The following SLC25A21 variants were observed in gnomAD, a reference collection of about 807,000 sequenced individuals.
The protein encoded by SLC25A21 is mitochondrial 2-oxodicarboxylate carrier.
In SLC25A21, 47 loss-of-function variants were observed where a neutral mutation model predicts 43.8. That is an observed-to-expected ratio of 1.07 (90% CI 0.85 to 1.37). The LOEUF (loss-of-function observed/expected upper bound fraction) is 1.37. SLC25A21 is among the 40% of genes most tolerant of loss of function. The probability of loss-of-function intolerance (pLI) is 0.00; values close to 1 mark genes in which losing one functional copy is unlikely to be tolerated. For synonymous variants in SLC25A21, 131 were observed against 121.3 expected, an observed-to-expected ratio of 1.08 and a Z score of -0.52; for missense variants, 352 against 350.2, an observed-to-expected ratio of 1.00 and a Z score of -0.04.
intron 2 of SLC25A21, among the ~76,000 whole-genome samples, chr14:36,817,288 C>T (rs1036560702): frequency 1.3e-5 from 2 of 151,954 alleles, no homozygotes; most frequent in Admixed American, 6.6e-5. Flanking sequence ...CAGGTGTTCA[C>T]GAGGGGAGCA....
chr14:37,156,783 A>C (rs1468121519), intron 1 of SLC25A21, among the ~76,000 whole-genome samples: 1 of 152,192 alleles, frequency 6.6e-6, no homozygotes, highest in Non-Finnish European at 1.5e-5. Context: ...TTCATCAAGC[A>C]AATAAGACTA....
At chr14:36,881,418 T>C (rs1566704640) in intron 1 of SLC25A21, among the ~76,000 whole-genome samples, 3 of 152,126 alleles carry the variant, frequency 2.0e-5, no homozygotes, top group Admixed American at 1.3e-4. Flanking sequence ...CCATGACCAC[T>C]GATAGATATC....
intron 1 of SLC25A21, among the ~76,000 whole-genome samples, chr14:37,082,839 T>C (rs1384206123): frequency 1.3e-5 from 2 of 152,208 alleles, no homozygotes; most frequent in Admixed American, 6.5e-5. Flanking sequence ...AAAGTGTTTC[T>C]TCAGTAATAC....
At chr14:36,946,651 G>T (rs1376919112) in intron 1 of SLC25A21, among the ~76,000 whole-genome samples, 1 of 152,052 alleles carries the variant, frequency 6.6e-6, no homozygotes, top group Non-Finnish European at 1.5e-5. Flanking sequence ...ATTTCTTCAG[G>T]TGTGTTGTCA....
At chr14:36,882,091 G>A (rs1157281117) in intron 1 of SLC25A21, among the ~76,000 whole-genome samples, 1 of 152,094 alleles carries the variant, frequency 6.6e-6, no homozygotes, top group Non-Finnish European at 1.5e-5. Flanking sequence ...ATCAAGAATA[G>A]CATATATCTG....
rs1397904925 is a variant in SLC25A21, at chr14:36,776,234, C to CTTTTTTTTTTTTTTTTTTTTT, written c.203+37683_203+37684insAAAAAAAAAAAAAAAAAAAAA. ...CTTTCTTTTTTCTTTTTCTTTCTTT[C>CTTTTTTTTTTTTTTTTTTTTT]TTTCTTTTTTTTTTTTTTTTGAGAT... On this transcript the variant is annotated intron_variant, in intron 3 of 9. Transcript: ENST00000331299. Among the ~76,000 whole-genome samples the CTTTTTTTTTTTTTTTTTTTTT allele has an allele frequency of 4.8e-4, 36 of 75,736 alleles. 2 individuals are homozygous for CTTTTTTTTTTTTTTTTTTTTT. Among genetic ancestry groups the CTTTTTTTTTTTTTTTTTTTTT allele is most frequent in the African/African-American group, 1.8e-3 (31 of 17,560 alleles). The allele number at this position is 75,736 out of a possible 152,430, so 49.7% of individuals were successfully genotyped here.
intron 1 of SLC25A21, among the ~76,000 whole-genome samples, chr14:37,075,089 T>A (rs1962253755): frequency 6.6e-6 from 1 of 152,220 alleles, no homozygotes; most frequent in Non-Finnish European, 1.5e-5. Context: ...CTAGCTTCCC[T>A]TTGCAACCCA....
At chr14:36,854,672 T>C (rs1225440934) in intron 2 of SLC25A21, among the ~76,000 whole-genome samples, 2 of 152,202 alleles carry the variant, frequency 1.3e-5, no homozygotes, top group African/African-American at 4.8e-5. Flanking sequence ...GCTTGGGAAA[T>C]AATAAATGGT....
intron 1 of SLC25A21, among the ~76,000 whole-genome samples, chr14:36,902,746 C>T (rs1276332951): frequency 6.6e-6 from 1 of 152,102 alleles, no homozygotes; most frequent in Non-Finnish European, 1.5e-5. Context: ...CCTGTAATTC[C>T]AGCTTATTTA....
intron 3 of SLC25A21, among the ~76,000 whole-genome samples, chr14:36,778,935 T>G (rs1212296047): frequency 6.6e-6 from 1 of 152,084 alleles, no homozygotes; most frequent in Non-Finnish European, 1.5e-5. Flanking sequence ...TGTATTCACC[T>G]TATAACTGAA....
At chr14:37,068,421 T>TA (rs1962103241) in intron 1 of SLC25A21, among the ~76,000 whole-genome samples, 1 of 152,186 alleles carries the variant, frequency 6.6e-6, no homozygotes, top group South Asian at 2.1e-4. Flanking sequence ...CAATTCAAGG[T>TA]ATGATGATTT....
chr14:36,680,652 A>C lies in SLC25A21; in HGVS notation c.*6T>G. 1.2e-6 allele frequency: 2 copies of C among 1,612,068 alleles called. No individual in the cohort carries two copies. The highest frequency in any genetic ancestry group is 1.7e-6 in the Non-Finnish European group (2 of 1,179,022). Reference sequence around the variant, plus strand: ...ATCTCAAGGGGGAAAAACACTTCATAGGCAATCACCAGTTCTCTTGAAGCC... The same window carrying C: ...ATCTCAAGGGGGAAAAACACTTCATCGGCAATCACCAGTTCTCTTGAAGCC... On this transcript the variant is annotated 3_prime_UTR_variant, in exon 10 of 10. Transcript: ENST00000331299.
At chr14:36,731,792 ATC>A (rs765498333) in intron 4 of SLC25A21, among the ~76,000 whole-genome samples, 16 of 152,056 alleles carry the variant, frequency 1.1e-4, no homozygotes, top group Non-Finnish European at 2.2e-4. Context: ...CAGGAGTTCT[ATC>A]TCTGTGCAGC....
At chr14:36,867,256 T>C (rs1440316537) in intron 2 of SLC25A21, among the ~76,000 whole-genome samples, 1 of 152,212 alleles carries the variant, frequency 6.6e-6, no homozygotes, top group Non-Finnish European at 1.5e-5. Flanking sequence ...GTCTCCCTTT[T>C]TATCTTAACA....
At chr14:37,006,456 A>T (rs1023731248) in intron 1 of SLC25A21, among the ~76,000 whole-genome samples, 1 of 152,140 alleles carries the variant, frequency 6.6e-6, no homozygotes, top group Non-Finnish European at 1.5e-5. Flanking sequence ...TTTATCAAAC[A>T]ACTTGCTAAA....
intron 9 of SLC25A21, among the ~76,000 whole-genome samples, chr14:36,682,023 T>G (rs1419147597): frequency 6.6e-6 from 1 of 152,196 alleles, no homozygotes; most frequent in Admixed American, 6.5e-5. Context: ...AATCACAGAC[T>G]TCAAGATTCT....
At chr14:37,078,333 T>C (rs1393898802) in intron 1 of SLC25A21, among the ~76,000 whole-genome samples, 2 of 152,298 alleles carry the variant, frequency 1.3e-5, no homozygotes, top group South Asian at 4.1e-4. Flanking sequence ...AAGTTCTTGG[T>C]GTCCAAGACT....
rs1182036977 is a variant in SLC25A21, at chr14:36,805,697, C to T, written c.203+8221G>A. Among the ~76,000 whole-genome samples, 3 of 152,148 alleles carry T rather than the reference C, an allele frequency of 2.0e-5. No individual in the cohort carries two copies. In the East Asian group the frequency reaches 5.8e-4, roughly 29 times the overall value. Reference sequence around the variant, plus strand: ...TTCTTCGGTATTCTTTCTCCTTACCCTTCATCCTTTAATTTTCAAACTTGA... The same window carrying T: ...TTCTTCGGTATTCTTTCTCCTTACCTTTCATCCTTTAATTTTCAAACTTGA... On this transcript the variant is annotated intron_variant, in intron 3 of 9. Coordinates refer to ENST00000331299, the MANE Select transcript of SLC25A21 (RefSeq NM_030631.4).
chr14:36,790,945 T>C (rs1887463122), intron 3 of SLC25A21, among the ~76,000 whole-genome samples: 2 of 152,096 alleles, frequency 1.3e-5, no homozygotes, highest in Admixed American at 1.3e-4. Context: ...TCAATTTTCA[T>C]TTAATAATAG....
Sources: gnomAD v4.1 joint callset for allele counts (sites outside exome capture counted in the v4.1 genomes callset) on GRCh38, gnomAD v4.1.1 for gene constraint, MANE v1.5 for transcripts, NCBI Gene and HGNC (gene_info 2026-07-23, HGNC 2026-07-21) for gene names.